SNTG2: variants seen among roughly 807,000 people sequenced by gnomAD.
SNTG2 encodes the protein gamma-2-syntrophin.
In SNTG2, 74 loss-of-function variants were observed where a neutral mutation model predicts 70.9. The ratio of observed to expected loss-of-function variants is 1.04; its 90% CI spans 0.86 to 1.27. The LOEUF is 1.27. Among genes scored for constraint, SNTG2 ranks in the 50% most tolerant of loss-of-function variants. The pLI is 0.00. For synonymous variants in SNTG2, 278 were observed against 273.8 expected, an observed-to-expected ratio of 1.02 and a Z score of -0.15; for missense variants, 717 against 690.7, an observed-to-expected ratio of 1.04 and a Z score of -0.43.
chr2:1,111,792 C>T (rs1194814935), intron 4 of SNTG2, among the ~76,000 whole-genome samples: 1 of 152,220 alleles, frequency 6.6e-6, no homozygotes, highest in Admixed American at 6.5e-5. Context: ...TGAGAAAGAT[C>T]GTGTGTACTA....
chr2:1,193,203 A>T (rs1672706703), intron 8 of SNTG2, among the ~76,000 whole-genome samples: 1 of 152,176 alleles, frequency 6.6e-6, no homozygotes, highest in Admixed American at 6.5e-5. Context: ...TGCTCCTTAA[A>T]ATAGGTGGCT....
intron 6 of SNTG2, among the ~76,000 whole-genome samples, chr2:1,149,217 G>GAGACACACACACAC (rs1553339083): frequency 1.3e-5 from 2 of 148,930 alleles, no homozygotes; most frequent in South Asian, 4.2e-4. Context: ...GTGAGAGAGA[G>GAGACACACACACAC]ACACACACAC....
At chr2:1,157,544 T>A (rs1226652838) in intron 6 of SNTG2, among the ~76,000 whole-genome samples, 1 of 152,226 alleles carries the variant, frequency 6.6e-6, no homozygotes, top group Non-Finnish European at 1.5e-5. Context: ...AGTAGGTTCC[T>A]TATGTATAAC....
chr2:1,306,673 G>A (rs1054652221), intron 14 of SNTG2, among the ~76,000 whole-genome samples: 3 of 118,836 alleles, frequency 2.5e-5, no homozygotes, highest in African/African-American at 6.0e-5. Context: ...AGCCTCCCTC[G>A]GCCAGGGTGT....
chr2:1,285,469 C>T (rs1466788025), intron 14 of SNTG2, among the ~76,000 whole-genome samples: 1 of 152,192 alleles, frequency 6.6e-6, no homozygotes, highest in African/African-American at 2.4e-5. Flanking sequence ...ATACAACTTT[C>T]CTTGGTAGGA....
At chr2:1,319,114 G>C (rs1681414044) in intron 16 of SNTG2, among the ~76,000 whole-genome samples, 1 of 152,128 alleles carries the variant, frequency 6.6e-6, no homozygotes, top group Non-Finnish European at 1.5e-5. Context: ...GATTCACGTG[G>C]GACACAGGCT....
In SNTG2 at chr2:1,112,355, T is replaced by G. The variant is rs555890709; in HGVS notation, c.325+13945T>G. On this transcript the variant is annotated intron_variant, in intron 4 of 16. Coordinates refer to ENST00000308624, the MANE Select transcript of SNTG2 (RefSeq NM_018968.4). The stretch of plus-strand genomic sequence containing the variant: ...AACCCTTATACTCCTTTGAGAAGAA[T>G]CGTGTGTACTAACTGAGGTTTAATC... Among the ~76,000 whole-genome samples the G allele has an allele frequency of 3.3e-5, 5 of 151,778 alleles. No homozygotes were observed. The East Asian group carries it at 9.7e-4, about 29-fold the overall frequency.
intron 9 of SNTG2, among the ~76,000 whole-genome samples, chr2:1,215,126 T>C (rs1572746156): frequency 1.3e-5 from 2 of 152,356 alleles, no homozygotes; most frequent in East Asian, 3.9e-4. Flanking sequence ...TGCTATTGAA[T>C]TCAGGTAACT....
At chr2:1,030,784 G>A (rs1214873524) in intron 1 of SNTG2, among the ~76,000 whole-genome samples, 1 of 144,612 alleles carries the variant, frequency 6.9e-6, no homozygotes, top group African/African-American at 2.9e-5. Flanking sequence ...CCATAAAACT[G>A]TGCATTTACT....
At chr2:1,163,550 G>C (rs1670488134) in intron 6 of SNTG2, 1 of 145,958 alleles carries the variant, frequency 6.9e-6, no homozygotes, top group African/African-American at 2.5e-5. Flanking sequence ...AAGTGGGCGT[G>C]TGAAGCCTCC....
At chr2:1,206,083 G>T (rs1389117013) in intron 8 of SNTG2, among the ~76,000 whole-genome samples, 3 of 152,208 alleles carry the variant, frequency 2.0e-5, no homozygotes, top group Non-Finnish European at 4.4e-5. Flanking sequence ...ACAAAAAGCT[G>T]ACAGGTACAA....
chr2:1,130,444 A>G (rs982730872), intron 4 of SNTG2, among the ~76,000 whole-genome samples: 1 of 152,172 alleles, frequency 6.6e-6, no homozygotes, highest in Admixed American at 6.6e-5. Flanking sequence ...TTGCATTACA[A>G]TTTTTCCAGC....
chr2:960,966 C>T (rs966652627), intron 1 of SNTG2, among the ~76,000 whole-genome samples: 4 of 152,238 alleles, frequency 2.6e-5, no homozygotes, highest in Admixed American at 1.3e-4. Context: ...GTTCCTGTCA[C>T]TCCCCGCCTG....
At chr2:1,265,909 T>C (rs967623669) in intron 13 of SNTG2, among the ~76,000 whole-genome samples, 1 of 152,122 alleles carries the variant, frequency 6.6e-6, no homozygotes, top group African/African-American at 2.4e-5. Flanking sequence ...CTTGTTTCCC[T>C]TCACTGGGGA....
chr2:1,126,863 A>G (rs1558431571), intron 4 of SNTG2, among the ~76,000 whole-genome samples: 1 of 152,176 alleles, frequency 6.6e-6, no homozygotes, highest in Non-Finnish European at 1.5e-5. Flanking sequence ...ATATGCTGAT[A>G]TTAATCCTTT....
intron 9 of SNTG2, among the ~76,000 whole-genome samples, chr2:1,216,230 T>C (rs929421348): frequency 1.3e-5 from 2 of 152,200 alleles, no homozygotes; most frequent in Admixed American, 6.5e-5. Context: ...TTTCCTGACT[T>C]TTTAATGATT....
At chr2:1,113,423 A>C (rs572134252) in intron 4 of SNTG2, among the ~76,000 whole-genome samples, 165 of 152,138 alleles carry the variant, frequency 1.1e-3, no homozygotes, top group African/African-American at 3.9e-3. Flanking sequence ...TCCTTTTATG[A>C]GAACCATGTG....
chr2:1,292,283 G>A (rs1680025686), intron 14 of SNTG2, among the ~76,000 whole-genome samples: 1 of 152,084 alleles, frequency 6.6e-6, no homozygotes, highest in African/African-American at 2.4e-5. Flanking sequence ...ATGTAAGAAA[G>A]TGTTGCTTGT....
intron 4 of SNTG2, among the ~76,000 whole-genome samples, chr2:1,125,438 T>A (rs1572504789): frequency 6.6e-6 from 1 of 152,278 alleles, no homozygotes; most frequent in Middle Eastern, 3.4e-3. Context: ...TCCTTTGCCT[T>A]CAAAGCACCC....
Sources: gnomAD v4.1 joint callset for allele counts (sites outside exome capture counted in the v4.1 genomes callset) on GRCh38, gnomAD v4.1.1 for gene constraint, MANE v1.5 for transcripts, NCBI Gene and HGNC (gene_info 2026-07-23, HGNC 2026-07-21) for gene names.